Variants in LDAH observed in about 807,000 individuals in gnomAD.
LDAH encodes the protein lipid droplet associated hydrolase, also known as lipid droplet-associated hydrolase.
A neutral mutation model predicts 29.6 loss-of-function variants in LDAH; 26 were observed. The ratio of observed to expected loss-of-function variants is 0.88; its 90% CI spans 0.64 to 1.22. LDAH has a LOEUF of 1.22. Among genes scored for constraint, LDAH ranks in the 50% most tolerant of loss-of-function variants. The pLI, the probability that LDAH is intolerant of heterozygous loss-of-function variation, is 0.00. For missense variants in LDAH, 344 were observed against 387.3 expected, an observed-to-expected ratio of 0.89 and a Z score of 0.94; for synonymous variants, 117 against 133.0, an observed-to-expected ratio of 0.88 and a Z score of 0.83.
rs201914076 is a variant in LDAH at position 20,701,691 on chromosome 2, A to G, written c.704-39T>C. 4.7e-5 allele frequency: 72 copies of G among 1,530,982 alleles called. 1 individual carries two copies. In the East Asian group the frequency reaches 1.6e-3, roughly 33 times the overall value. 94.8% of individuals were successfully genotyped at this position (1,530,982 alleles called of 1,614,324 possible). A position where few individuals can be genotyped will look rare whatever the true frequency, so the allele number is the denominator to read the frequency against. The stretch of plus-strand genomic sequence containing the variant: ...ATAAAAAGTCAAACATTTAGAATAT[A>G]TAGAACAAACACAAATTTCAAATTA... On this transcript the variant is annotated intron_variant, in intron 5 of 6. Transcript: ENST00000237822.
At chr2:20,794,467 T>C (rs990473554) in intron 2 of LDAH, among the ~76,000 whole-genome samples, 7 of 152,084 alleles carry the variant, frequency 4.6e-5, no homozygotes, top group African/African-American at 1.7e-4. Context: ...CAGACCACTA[T>C]ACCTCGTGAA....
chr2:20,806,513 G>A (rs941190139), intron 1 of LDAH, among the ~76,000 whole-genome samples: 2 of 152,032 alleles, frequency 1.3e-5, no homozygotes, highest in Non-Finnish European at 2.9e-5. Context: ...GGTAACAGAA[G>A]TTTTACTTTA....
chr2:20,772,166 C>T (rs1447958666), intron 4 of LDAH, among the ~76,000 whole-genome samples: 2 of 152,152 alleles, frequency 1.3e-5, no homozygotes, highest in Non-Finnish European at 2.9e-5. Flanking sequence ...AAAAGAGAAA[C>T]CACACATCAC....
intron 5 of LDAH, among the ~76,000 whole-genome samples, chr2:20,723,155 GTATT>G (rs1259053842): frequency 3.3e-5 from 5 of 152,178 alleles, no homozygotes; most frequent in Non-Finnish European, 7.3e-5. Flanking sequence ...CAGTGGAAAA[GTATT>G]TAGTAATAAA....
At chr2:20,726,382 T>C (rs1350225929) in intron 5 of LDAH, among the ~76,000 whole-genome samples, 1 of 151,468 alleles carries the variant, frequency 6.6e-6, no homozygotes, top group African/African-American at 2.4e-5. Context: ...GAACAAAATT[T>C]AGGGTTGAGG....
chr2:20,801,331 G>A lies in LDAH; in HGVS notation c.133C>T (p.Leu45=). The change falls in exon 2 of 7, where the codon CTG becomes TTG. Residue 45 remains leucine, a synonymous_variant. Coordinates refer to ENST00000237822, the MANE Select transcript of LDAH (RefSeq NM_021925.4). The part of the protein sequence containing the change: ...FHDQSVKRPK[L]LIFIIPGNPG... ...TCACCAGGAATAATGAAAATAAGCA[G>A]CTTAGGCCTTTTGACACTTTGATCA... 3 of 1,614,016 alleles carry A rather than the reference G, an allele frequency of 1.9e-6. No individual in the cohort carries two copies. The highest frequency in any genetic ancestry group is 2.5e-6 in the Non-Finnish European group (3 of 1,179,988).
intron 1 of LDAH, among the ~76,000 whole-genome samples, chr2:20,807,173 A>AAAAC (rs942054213): frequency 3.9e-5 from 6 of 152,208 alleles, no homozygotes; most frequent in East Asian, 3.9e-4. Flanking sequence ...GGCAAATTCC[A>AAAAC]AAACAAACAA....
At chr2:20,753,701 G>A (rs190499080) in intron 4 of LDAH, among the ~76,000 whole-genome samples, 31 of 152,218 alleles carry the variant, frequency 2.0e-4, no homozygotes, top group African/African-American at 7.2e-4. Flanking sequence ...GCATACTCAC[G>A]GCCTTAAAGC....
At chr2:20,819,455 GAA>G (rs1264265677) in intron 1 of LDAH, among the ~76,000 whole-genome samples, 2 of 152,130 alleles carry the variant, frequency 1.3e-5, no homozygotes, top group African/African-American at 4.8e-5. Flanking sequence ...TTTTAACAAA[GAA>G]AAAAGTCCTC....
At chr2:20,794,000 T>C (rs1276166236) in intron 2 of LDAH, among the ~76,000 whole-genome samples, 1 of 152,112 alleles carries the variant, frequency 6.6e-6, no homozygotes, top group Non-Finnish European at 1.5e-5. Flanking sequence ...TATTAGTCTG[T>C]TTTCATGCTG....
At chr2:20,784,268 T>C (rs1034619461) in intron 3 of LDAH, among the ~76,000 whole-genome samples, 1 of 152,054 alleles carries the variant, frequency 6.6e-6, no homozygotes, top group Admixed American at 6.5e-5. Flanking sequence ...TAGCCAGGCA[T>C]GCTGGCACAC....
intron 6 of LDAH, among the ~76,000 whole-genome samples, chr2:20,692,138 C>T (rs1462321332): frequency 6.6e-6 from 1 of 152,158 alleles, no homozygotes; most frequent in Non-Finnish European, 1.5e-5. Context: ...GGCTAAGTGG[C>T]TGACATTCAG....
chr2:20,791,749 T>C (rs546817873), intron 2 of LDAH, among the ~76,000 whole-genome samples: 13 of 152,330 alleles, frequency 8.5e-5, no homozygotes, highest in Admixed American at 2.6e-4. Context: ...CATTTAAGTC[T>C]TCAGTAAGTT....
At chr2:20,794,741 T>C (rs1671201179) in intron 2 of LDAH, among the ~76,000 whole-genome samples, 1 of 152,218 alleles carries the variant, frequency 6.6e-6, no homozygotes, top group Non-Finnish European at 1.5e-5. Flanking sequence ...CTTGAAAGTT[T>C]AACTTCTTTA....
intron 3 of LDAH, among the ~76,000 whole-genome samples, chr2:20,786,532 C>T (rs542076871): frequency 6.6e-6 from 1 of 152,184 alleles, no homozygotes; most frequent in Non-Finnish European, 1.5e-5. Context: ...GTATCAGAAA[C>T]TTCAGTTTCC....
At chr2:20,715,597 G>C (rs975967024) in intron 5 of LDAH, among the ~76,000 whole-genome samples, 10 of 152,186 alleles carry the variant, frequency 6.6e-5, no homozygotes, top group Non-Finnish European at 1.2e-4. Flanking sequence ...AATTGTCCCT[G>C]TTTGCAGATG....
chr2:20,729,105 G>C (rs1318976704), intron 5 of LDAH, among the ~76,000 whole-genome samples: 2 of 152,180 alleles, frequency 1.3e-5, no homozygotes, highest in African/African-American at 4.8e-5. Context: ...TTGGATTGGG[G>C]AGGGAAATAT....
intron 1 of LDAH, among the ~76,000 whole-genome samples, chr2:20,817,325 C>T (rs1490878799): frequency 6.6e-6 from 1 of 151,932 alleles, no homozygotes; most frequent in East Asian, 1.9e-4. Flanking sequence ...ATTACTAATA[C>T]AGTAGCAATA....
In LDAH at chr2:20,684,974, T is replaced by G; in HGVS notation, c.*1929A>C. ...GGCTTTTCACTTTAAAAGAGAGACT[T>G]TGAGCCGAGTCTAACTCAGGAGAAC... On this transcript the variant is annotated 3_prime_UTR_variant, in exon 7 of 7. Transcript: ENST00000237822. 6.5e-7 allele frequency: 1 copy of G among 1,547,374 alleles called. No homozygotes were observed. Among genetic ancestry groups the G allele is most frequent in the Non-Finnish European group, 8.7e-7 (1 of 1,145,500 alleles).
Sources: allele counts gnomAD v4.1 joint callset (sites outside exome capture counted in the v4.1 genomes callset), GRCh38; gene constraint gnomAD v4.1.1; transcripts MANE v1.5; gene names NCBI Gene and HGNC (gene_info 2026-07-23, HGNC 2026-07-21).